Variants in TRPS1 observed in about 807,000 individuals in gnomAD.
The protein encoded by TRPS1 is transcriptional repressor GATA binding 1, also known as zinc finger transcription factor Trps1.
A neutral mutation model predicts 101.2 loss-of-function variants in TRPS1; 6 were observed. The ratio of observed to expected loss-of-function variants is 0.06; its 90% CI spans 0.03 to 0.12. The LOEUF (loss-of-function observed/expected upper bound fraction) is 0.12. Ranked by LOEUF, TRPS1 falls within the 10% of genes least tolerant of loss-of-function variation. The pLI, the probability that TRPS1 is intolerant of heterozygous loss-of-function variation, is 1.00. For synonymous variants in TRPS1, 578 were observed against 589.8 expected, an observed-to-expected ratio of 0.98 and a Z score of 0.29; for missense variants, 1,363 against 1,567.0, an observed-to-expected ratio of 0.87 and a Z score of 2.20.
chr8:115,590,922 A>G (rs1817666621), intron 4 of TRPS1, among the ~76,000 whole-genome samples: 1 of 152,058 alleles, frequency 6.6e-6, no homozygotes, highest in African/African-American at 2.4e-5. Flanking sequence ...GTGTTTTGGT[A>G]TCATTCATTG....
At chr8:115,509,601 A>G (rs980771260) in intron 5 of TRPS1, 3 of 152,094 alleles carry the variant, frequency 2.0e-5, no homozygotes, top group Non-Finnish European at 4.4e-5. Flanking sequence ...ATCATTTTAC[A>G]GAAAAGAAAA....
At chr8:115,515,173 C>T (rs1030564383) in intron 5 of TRPS1, 45 of 685,548 alleles carry the variant, frequency 6.6e-5, no homozygotes, top group Admixed American at 2.3e-4. Flanking sequence ...AAATTCTTTT[C>T]GTTACTCTCC....
chr8:115,584,023 A>G (rs892405113), intron 5 of TRPS1, among the ~76,000 whole-genome samples: 1 of 152,000 alleles, frequency 6.6e-6, no homozygotes, highest in African/African-American at 2.4e-5. Flanking sequence ...TCATTGCTAA[A>G]ACCAGTTTAA....
intron 1 of TRPS1, chr8:115,637,252 A>G (rs1818791219): frequency 2.0e-6 from 2 of 985,468 alleles, no homozygotes; most frequent in African/African-American, 3.5e-5. Flanking sequence ...CGTGGTTGCC[A>G]AGGTTAATAA....
In TRPS1 at chr8:115,492,476, TGTGTGC is replaced by T. The variant is rs1290990406; in HGVS notation, c.2701-74030_2701-74025del. On this transcript the variant is annotated intron_variant, in intron 5 of 6. Coordinates refer to ENST00000395715, the MANE Select transcript of TRPS1 (RefSeq NM_014112.5). ...CAAGCACTGTGTGTGTGTGTGTGTG[TGTGTGC>T]GTGCGTGTGCGTGTTCGTGTGTGTG... is the stretch of plus-strand genomic sequence containing the variant. Among the ~76,000 whole-genome samples the T allele has an allele frequency of 4.5e-3, 593 of 132,606 alleles. 2 individuals carry two copies. Among genetic ancestry groups the T allele is most frequent in the African/African-American group, 0.014 (560 of 40,748 alleles). The allele number at this position is 132,606 out of a possible 152,430, so 87.0% of individuals were successfully genotyped here. A position where few individuals can be genotyped will look rare whatever the true frequency, so the allele number is the denominator to read the frequency against.
intron 4 of TRPS1, among the ~76,000 whole-genome samples, chr8:115,597,364 C>T (rs1817810906): frequency 6.6e-6 from 1 of 151,886 alleles, no homozygotes; most frequent in African/African-American, 2.4e-5. Flanking sequence ...ATGATTGGCC[C>T]TGTATAACTT....
intron 5 of TRPS1, among the ~76,000 whole-genome samples, chr8:115,471,637 C>A (rs1284007238): frequency 6.6e-6 from 1 of 152,132 alleles, no homozygotes; most frequent in African/African-American, 2.4e-5. Context: ...CCCAAAAGTC[C>A]AAGTCCAAAG....
At chr8:115,611,185 C>T (rs1471468995) in intron 3 of TRPS1, among the ~76,000 whole-genome samples, 1 of 150,172 alleles carries the variant, frequency 6.7e-6, no homozygotes, top group African/African-American at 2.5e-5. Context: ...ATAAACAAGA[C>T]AAAATGCAGT....
At chr8:115,550,074 A>C (rs1441693661) in intron 5 of TRPS1, among the ~76,000 whole-genome samples, 1 of 152,014 alleles carries the variant, frequency 6.6e-6, no homozygotes, top group African/African-American at 2.4e-5. Flanking sequence ...AAAATTAGCC[A>C]GGCGTGGTGG....
At chr8:115,521,151 T>C (rs975073787) in intron 5 of TRPS1, among the ~76,000 whole-genome samples, 24 of 114 alleles carry the variant, frequency 0.21, no homozygotes, top group Non-Finnish European at 0.29. Flanking sequence ...TCTATGTTTG[T>C]GTTACTATTT....
chr8:115,638,460 G>C (rs1022559668), intron 1 of TRPS1, among the ~76,000 whole-genome samples: 1 of 152,122 alleles, frequency 6.6e-6, no homozygotes, highest in Non-Finnish European at 1.5e-5. Context: ...GGTACCTTTG[G>C]GCAGAAGCCA....
In TRPS1 at chr8:115,411,042, T is replaced by C. The variant is rs1313825976; in HGVS notation, c.*2981A>G. 6.6e-6 allele frequency: 1 copy of C among 151,822 alleles called. No homozygotes were observed. The highest frequency in any genetic ancestry group is 1.5e-5 in the Non-Finnish European group (1 of 67,914). The allele number at this position is 151,822 out of a possible 1,614,324, so 9.4% of individuals were successfully genotyped here. A position where few individuals can be genotyped will look rare whatever the true frequency, so the allele number is the denominator to read the frequency against. On this transcript the variant is annotated 3_prime_UTR_variant, in exon 7 of 7. Transcript: ENST00000395715. Reference sequence around the variant, plus strand: ...TTTAATATGTCAAAAAAGGAGTGTTTAGTGTTATAATAAATTTTTGTCTCT... The same window carrying C: ...TTTAATATGTCAAAAAAGGAGTGTTCAGTGTTATAATAAATTTTTGTCTCT...
At chr8:115,498,506 G>A (rs1444447762) in intron 5 of TRPS1, among the ~76,000 whole-genome samples, 4 of 145,024 alleles carry the variant, frequency 2.8e-5, no homozygotes, top group African/African-American at 7.6e-5. Context: ...ACACAAGTTT[G>A]TTGTTGTCAT....
At chr8:115,504,275 G>A (rs1311783606) in intron 5 of TRPS1, among the ~76,000 whole-genome samples, 1 of 152,120 alleles carries the variant, frequency 6.6e-6, no homozygotes, top group Admixed American at 6.5e-5. Flanking sequence ...GGCACAATGA[G>A]TCCAGAAACT....
At chr8:115,641,262 T>G (rs967583931) in intron 1 of TRPS1, among the ~76,000 whole-genome samples, 1 of 152,244 alleles carries the variant, frequency 6.6e-6, no homozygotes. Flanking sequence ...TGACATGTAC[T>G]CTTTCTTGTA....
At chr8:115,664,213 T>G (rs1008288128) in intron 1 of TRPS1, among the ~76,000 whole-genome samples, 1 of 152,134 alleles carries the variant, frequency 6.6e-6, no homozygotes, top group Non-Finnish European at 1.5e-5. Context: ...TTTAATCCAC[T>G]GGTTACAGCT....
chr8:115,445,214 T>A (rs1035938963), intron 5 of TRPS1, among the ~76,000 whole-genome samples: 3 of 152,144 alleles, frequency 2.0e-5, no homozygotes, highest in African/African-American at 7.2e-5. Flanking sequence ...TGTGTAAACT[T>A]CACAGCTCAG....
chr8:115,665,284 T>C (rs1811894637), intron 1 of TRPS1, among the ~76,000 whole-genome samples: 1 of 152,204 alleles, frequency 6.6e-6, no homozygotes. Flanking sequence ...TATAAAAATC[T>C]ACAGTCTTTG....
intron 6 of TRPS1, among the ~76,000 whole-genome samples, chr8:115,417,189 A>G (rs1812942583): frequency 3.3e-5 from 5 of 152,178 alleles, no homozygotes; most frequent in African/African-American, 1.2e-4. Context: ...CATTAATGTC[A>G]GTTCCCATTA....
Sources: gnomAD v4.1 joint callset for allele counts (sites outside exome capture counted in the v4.1 genomes callset) on GRCh38, gnomAD v4.1.1 for gene constraint, MANE v1.5 for transcripts, NCBI Gene and HGNC (gene_info 2026-07-23, HGNC 2026-07-21) for gene names.